The following NDFIP1 variants were observed in gnomAD, a reference collection of about 807,000 sequenced individuals.
The protein encoded by NDFIP1 is NEDD4 family-interacting protein 1.
A neutral mutation model predicts 28.8 loss-of-function variants in NDFIP1; 7 were observed. The observed-to-expected ratio is 0.24, with a 90% CI of 0.14 to 0.46. NDFIP1 has a LOEUF of 0.46. NDFIP1 is among the 20% of genes least tolerant of loss of function. NDFIP1 has a pLI of 0.99. For missense variants in NDFIP1, 194 were observed against 269.1 expected, an observed-to-expected ratio of 0.72 and a Z score of 1.95; for synonymous variants, 92 against 101.0, an observed-to-expected ratio of 0.91 and a Z score of 0.53.
chr5:142,152,637 G>C lies in NDFIP1; in HGVS notation c.*909G>C, dbSNP rs1757459202. The C allele has an allele frequency of 6.5e-6, 1 of 153,836 alleles. No individual in the cohort carries two copies. Among genetic ancestry groups the C allele is most frequent in the Non-Finnish European group, 1.5e-5 (1 of 68,948 alleles). 9.5% of individuals were successfully genotyped at this position (153,836 alleles called of 1,614,324 possible). A position where few individuals can be genotyped will look rare whatever the true frequency, so the allele number is the denominator to read the frequency against. On this transcript the variant is annotated 3_prime_UTR_variant, in exon 8 of 8. Transcript: ENST00000253814. ...TGATCCCTAACATACTGTACTACTT[G>C]CTTTTACAATGTGTTAGCAGAAACC... is the stretch of plus-strand genomic sequence containing the variant.
chr5:142,142,588 T>G (rs563771297), intron 6 of NDFIP1, among the ~76,000 whole-genome samples: 4 of 152,128 alleles, frequency 2.6e-5, no homozygotes, highest in Admixed American at 2.6e-4. Context: ...TTTATAATCC[T>G]TCATCATTGA....
At chr5:142,135,917 T>G (rs1340300591) in intron 4 of NDFIP1, 100 bp downstream of exon 4, 3 of 757,026 alleles carry the variant, frequency 4.0e-6, no homozygotes, top group Non-Finnish European at 4.4e-6. Context: ...AGCTAATATA[T>G]TAATACATTA....
chr5:142,125,589 G>T (rs1459589538), intron 1 of NDFIP1, among the ~76,000 whole-genome samples: 1 of 151,780 alleles, frequency 6.6e-6, no homozygotes, highest in Admixed American at 6.6e-5. Context: ...CAGACTCCTG[G>T]CCTCAAGTGA....
chr5:142,140,885 A>T (rs1757320082), intron 6 of NDFIP1, among the ~76,000 whole-genome samples: 1 of 152,150 alleles, frequency 6.6e-6, no homozygotes, highest in Non-Finnish European at 1.5e-5. Flanking sequence ...CATGTGATAA[A>T]TGGGGTATGC....
chr5:142,109,490 C>T (rs549800864), intron 1 of NDFIP1, among the ~76,000 whole-genome samples: 2 of 152,322 alleles, frequency 1.3e-5, no homozygotes, highest in Admixed American at 6.5e-5. Context: ...GATGCTATTG[C>T]TCAGGGTTTC....
intron 1 of NDFIP1, 85 bp downstream of exon 1, chr5:142,109,122 C>T (rs971188338): frequency 1.9e-5 from 22 of 1,168,736 alleles, no homozygotes; most frequent in Non-Finnish European, 2.3e-5. Context: ...CTGGCCGGCC[C>T]GCGGCCAACT....
intron 7 of NDFIP1, among the ~76,000 whole-genome samples, chr5:142,148,750 CAAAAAAAA>C (rs60681858): frequency 4.5e-4 from 10 of 22,212 alleles, no homozygotes; most frequent in Non-Finnish European, 9.9e-4. Context: ...GACTCTGTCT[CAAAAAAAA>C]AAAAAAAAAA....
rs145347014 is a variant in NDFIP1, at chr5:142,110,542, G to T, written c.63+1505G>T. ...GCTAGAATATAAAAAATTTGCTGGA[G>T]TATCAAAATCATGTATTCCTTAGTG... On this transcript the variant is annotated intron_variant, in intron 1 of 7. Transcript: ENST00000253814. Among the ~76,000 whole-genome samples the T allele has an allele frequency of 7.4e-4, 112 of 152,158 alleles. 1 individual carries two copies. Among genetic ancestry groups the T allele is most frequent in the Middle Eastern group, 3.4e-3 (1 of 294 alleles).
chr5:142,128,075 C>T (rs898407613), intron 1 of NDFIP1, among the ~76,000 whole-genome samples: 1 of 152,184 alleles, frequency 6.6e-6, no homozygotes, highest in Non-Finnish European at 1.5e-5. Flanking sequence ...GATATCCCCC[C>T]TACCCTTGCC....
intron 6 of NDFIP1, chr5:142,142,935 AAAAAAATAT>A (rs1425962088): frequency 5.1e-3 from 372 of 73,296 alleles, no homozygotes; most frequent in Admixed American, 0.018. Flanking sequence ...AAAAAAAAAA[AAAAAAATAT>A]ATATATATAT....
intron 1 of NDFIP1, among the ~76,000 whole-genome samples, chr5:142,128,047 T>A (rs1303230011): frequency 6.6e-6 from 1 of 152,196 alleles, no homozygotes; most frequent in Non-Finnish European, 1.5e-5. Context: ...ATTTATTATC[T>A]ATCACAGTCA....
At chr5:142,150,112 C>T (rs1186775162) in intron 7 of NDFIP1, among the ~76,000 whole-genome samples, 2 of 147,330 alleles carry the variant, frequency 1.4e-5, no homozygotes, top group Admixed American at 1.4e-4. Context: ...ACCCGGGGGG[C>T]GGAGCTTGCA....
Position 142,108,916 on chromosome 5 carries a change from G to T in NDFIP1, c.-59G>T. ...CCTCCCAGCGCTCCCAAGCCGCAGC[G>T]GCCGCGCCCCTTCAGCTAGCTCGCT... On this transcript the variant is annotated 5_prime_UTR_variant, in exon 1 of 8. Transcript: ENST00000253814. 1 of 1,360,478 alleles carries T rather than the reference G, an allele frequency of 7.4e-7. No homozygotes were observed. Among genetic ancestry groups the T allele is most frequent in the Non-Finnish European group, 9.5e-7 (1 of 1,052,924 alleles). The allele number at this position is 1,360,478 out of a possible 1,614,324, so 84.3% of individuals were successfully genotyped here.
Position 142,132,237 on chromosome 5 carries a change from T to C in NDFIP1, c.177T>C (p.Ser59=), listed in dbSNP as rs1401349665. The change falls in exon 3 of 8, where the codon TCT becomes TCC. Residue 59 remains serine, a synonymous_variant. Transcript: ENST00000253814. ...CATATTTTGACTACAAGGATGAGTC[T>C]GGGTTTCCAAAGCCCCCATCTTACA... ...SAAYFDYKDE[S]GFPKPPSYNV... 1 of 1,613,740 alleles carries C rather than the reference T, an allele frequency of 6.2e-7. No homozygotes were observed. Among genetic ancestry groups the C allele is most frequent in the African/African-American group, 1.3e-5 (1 of 74,926 alleles).
rs548163671 is a variant in NDFIP1 at position 142,121,602 on chromosome 5, C to A, written c.64-10206C>A. Among the ~76,000 whole-genome samples the A allele has an allele frequency of 9.9e-5, 15 of 152,254 alleles. No homozygotes were observed. The South Asian group carries it at 3.1e-3, about 32-fold the overall frequency. Reference sequence around the variant, plus strand: ...TTAGTTGCTTTGTAAGGCCATGTTTCTCCTCAACTCTTCCATGTTTAAAAT... The same window carrying A: ...TTAGTTGCTTTGTAAGGCCATGTTTATCCTCAACTCTTCCATGTTTAAAAT... On this transcript the variant is annotated intron_variant, in intron 1 of 7. Coordinates refer to ENST00000253814, the MANE Select transcript of NDFIP1 (RefSeq NM_030571.4).
In NDFIP1 at chr5:142,109,091, C is replaced by T; in HGVS notation, c.63+54C>T. ...CTCCGGTCCCTGGCTCTGCCCTGCC[C>T]GCTGGCCGCCTCAGGCCTCTCTGGC... On this transcript the variant is annotated intron_variant, in intron 1 of 7. Transcript: ENST00000253814. The T allele has an allele frequency of 2.3e-6, 3 of 1,294,408 alleles. No individual in the cohort carries two copies. In the Middle Eastern group the frequency reaches 8.3e-4, roughly 360 times the overall value. 80.2% of individuals were successfully genotyped at this position (1,294,408 alleles called of 1,614,324 possible).
intron 1 of NDFIP1, among the ~76,000 whole-genome samples, chr5:142,122,284 T>C (rs1442050010): frequency 6.6e-6 from 1 of 152,222 alleles, no homozygotes; most frequent in Non-Finnish European, 1.5e-5. Context: ...CAGTAAATAC[T>C]GTTTTGAGTC....
At chr5:142,139,213 CCTT>C (rs1757303842) in intron 5 of NDFIP1, among the ~76,000 whole-genome samples, 1 of 146,388 alleles carries the variant, frequency 6.8e-6, no homozygotes, top group South Asian at 2.1e-4. Flanking sequence ...GAGCGAGACT[CCTT>C]CTCAAAAAAA....
chr5:142,120,701 A>G (rs1284082277), intron 1 of NDFIP1, among the ~76,000 whole-genome samples: 1 of 152,208 alleles, frequency 6.6e-6, no homozygotes, highest in African/African-American at 2.4e-5. Context: ...CAGCCATGTC[A>G]CTGTTCTGTC....
Sources: allele counts gnomAD v4.1 joint callset (sites outside exome capture counted in the v4.1 genomes callset), GRCh38; gene constraint gnomAD v4.1.1; transcripts MANE v1.5; gene names NCBI Gene and HGNC (gene_info 2026-07-23, HGNC 2026-07-21).